The following NKAIN3 variants were observed in gnomAD, a reference collection of about 807,000 sequenced individuals.
The protein encoded by NKAIN3 is sodium/potassium transporting ATPase interacting 3.
Under a neutral mutation model 30.2 loss-of-function variants are expected in NKAIN3, and 25 were observed. The observed-to-expected ratio is 0.83, with a 90% CI of 0.60 to 1.16. The LOEUF (loss-of-function observed/expected upper bound fraction) is 1.16. Among genes scored for constraint, NKAIN3 ranks in the 50% most tolerant of loss-of-function variants. The pLI, the probability that NKAIN3 is intolerant of heterozygous loss-of-function variation, is 0.00. For missense variants in NKAIN3, 225 were observed against 254.1 expected (o/e 0.89, Z 0.78); for synonymous variants, 91 against 89.6 (o/e 1.02, Z -0.09).
intron 3 of NKAIN3, among the ~76,000 whole-genome samples, chr8:62,647,082 C>G (rs983238621): frequency 1.3e-5 from 2 of 152,118 alleles, no homozygotes; most frequent in African/African-American, 2.4e-5. Flanking sequence ...GACAGGAAGA[C>G]AAACGTTGAG....
intron 1 of NKAIN3, among the ~76,000 whole-genome samples, chr8:62,452,078 G>A (rs959934463): frequency 6.6e-6 from 1 of 152,164 alleles, no homozygotes; most frequent in Non-Finnish European, 1.5e-5. Flanking sequence ...TTAGCCAATA[G>A]GTACCAAACT....
chr8:62,591,398 G>T (rs2130110925), intron 3 of NKAIN3, among the ~76,000 whole-genome samples: 1 of 152,008 alleles, frequency 6.6e-6, no homozygotes, highest in Middle Eastern at 3.4e-3. Flanking sequence ...AATAATAATA[G>T]TAGTCAGTGT....
intron 4 of NKAIN3, among the ~76,000 whole-genome samples, chr8:62,748,081 T>A (rs922278826): frequency 1.3e-5 from 2 of 152,242 alleles, no homozygotes; most frequent in Non-Finnish European, 2.9e-5. Context: ...AAAATGCAAT[T>A]GCTTAAAACA....
At chr8:62,334,373 C>G (rs1012912414) in intron 1 of NKAIN3, among the ~76,000 whole-genome samples, 1 of 152,044 alleles carries the variant, frequency 6.6e-6, no homozygotes, top group Non-Finnish European at 1.5e-5. Context: ...ATGCATCACT[C>G]CAATCTCTAC....
intron 4 of NKAIN3, among the ~76,000 whole-genome samples, chr8:62,889,843 A>G (rs1821251741): frequency 6.6e-6 from 1 of 152,164 alleles, no homozygotes; most frequent in Non-Finnish European, 1.5e-5. Context: ...AGCGTGGCAT[A>G]ACTTTTAATT....
intron 3 of NKAIN3, among the ~76,000 whole-genome samples, chr8:62,671,243 C>T (rs1469519572): frequency 2.6e-5 from 4 of 151,882 alleles, no homozygotes; most frequent in African/African-American, 9.7e-5. Context: ...TTTTTGAGAG[C>T]CTACATGACA....
intron 5 of NKAIN3, among the ~76,000 whole-genome samples, chr8:62,921,282 C>A (rs1204783620): frequency 6.6e-6 from 1 of 152,090 alleles, no homozygotes. Flanking sequence ...TTTTGGCAGG[C>A]AATACATCAT....
chr8:62,809,055 G>T (rs527711423), intron 4 of NKAIN3, among the ~76,000 whole-genome samples: 3 of 152,262 alleles, frequency 2.0e-5, no homozygotes, highest in South Asian at 4.1e-4. Flanking sequence ...GTGAGAAAAA[G>T]AATTCAGTGA....
intron 3 of NKAIN3, among the ~76,000 whole-genome samples, chr8:62,667,599 C>G (rs1813166688): frequency 6.6e-6 from 1 of 151,914 alleles, no homozygotes; most frequent in African/African-American, 2.4e-5. Flanking sequence ...ACCACCATTC[C>G]TGTCTAAGCC....
chr8:62,467,487 A>T (rs910401967), intron 1 of NKAIN3, among the ~76,000 whole-genome samples: 2 of 152,218 alleles, frequency 1.3e-5, no homozygotes, highest in Non-Finnish European at 2.9e-5. Context: ...GACAAAAAAT[A>T]TAATTGGCTC....
chr8:62,363,611 A>G (rs1232656437), intron 1 of NKAIN3, among the ~76,000 whole-genome samples: 1 of 152,210 alleles, frequency 6.6e-6, no homozygotes, highest in Non-Finnish European at 1.5e-5. Context: ...ATTGGGGTCG[A>G]TAAAATATAT....
At chr8:62,291,421 G>T (rs1297423783) in intron 1 of NKAIN3, among the ~76,000 whole-genome samples, 2 of 152,132 alleles carry the variant, frequency 1.3e-5, no homozygotes, top group Non-Finnish European at 1.5e-5. Flanking sequence ...GTGTCCCAGA[G>T]TTTCTGGTAT....
chr8:62,477,774 C>G (rs906855356), intron 1 of NKAIN3, among the ~76,000 whole-genome samples: 2 of 152,168 alleles, frequency 1.3e-5, no homozygotes, highest in African/African-American at 4.8e-5. Flanking sequence ...CCTGTGGGCA[C>G]AGGCCAGAAG....
chr8:62,815,510 A>C (rs530425913), intron 4 of NKAIN3, among the ~76,000 whole-genome samples: 13 of 152,326 alleles, frequency 8.5e-5, no homozygotes, highest in Admixed American at 7.8e-4. Flanking sequence ...CACATTAAAA[A>C]GCTTATCCAC....
At chr8:62,280,510 T>C (rs1585627878) in intron 1 of NKAIN3, among the ~76,000 whole-genome samples, 1 of 152,168 alleles carries the variant, frequency 6.6e-6, no homozygotes, top group Middle Eastern at 3.2e-3. Context: ...TGGCTGTGGG[T>C]TTCTCATAAA....
intron 4 of NKAIN3, among the ~76,000 whole-genome samples, chr8:62,751,264 A>G (rs1344094693): frequency 1.3e-5 from 2 of 152,190 alleles, no homozygotes; most frequent in African/African-American, 4.8e-5. Flanking sequence ...AGCTCCTAGC[A>G]GACATCTTCC....
chr8:62,856,183 A>G (rs1820054286), intron 4 of NKAIN3: 1 of 766,230 alleles, frequency 1.3e-6, no homozygotes, highest in East Asian at 2.5e-5. Flanking sequence ...GCAGAAGCAA[A>G]CTTCCTGTAT....
chr8:62,330,361 AG>A (rs1458499368), intron 1 of NKAIN3, among the ~76,000 whole-genome samples: 1 of 152,024 alleles, frequency 6.6e-6, no homozygotes, highest in Non-Finnish European at 1.5e-5. Flanking sequence ...GGAAACAAGG[AG>A]GCACTGGCTG....
At chr8:62,547,153 A>G (rs1345896880) in intron 1 of NKAIN3, among the ~76,000 whole-genome samples, 1 of 152,138 alleles carries the variant, frequency 6.6e-6, no homozygotes, top group Non-Finnish European at 1.5e-5. Flanking sequence ...GATCAAATAA[A>G]TTTTAATGAC....
Sources: gnomAD v4.1 joint callset for allele counts (sites outside exome capture counted in the v4.1 genomes callset) on GRCh38, gnomAD v4.1.1 for gene constraint, MANE v1.5 for transcripts, NCBI Gene and HGNC (gene_info 2026-07-23, HGNC 2026-07-21) for gene names.